DPP6: variants seen among roughly 807,000 people sequenced by gnomAD.
DPP6 encodes dipeptidyl peptidase like 6.
Under a neutral mutation model 122.6 loss-of-function variants are expected in DPP6, and 69 were observed. The ratio of observed to expected loss-of-function variants is 0.56; its 90% CI spans 0.46 to 0.69. The LOEUF is 0.69. DPP6 is among the 30% of genes least tolerant of loss of function. The pLI, the probability that DPP6 is intolerant of heterozygous loss-of-function variation, is 0.00. For synonymous variants in DPP6, 418 were observed against 433.1 expected, an observed-to-expected ratio of 0.97 and a Z score of 0.43; for missense variants, 928 against 1,116.9, an observed-to-expected ratio of 0.83 and a Z score of 2.41.
chr7:154,299,418 G>C (rs1029346879), intron 1 of DPP6, among the ~76,000 whole-genome samples: 1 of 152,248 alleles, frequency 6.6e-6, no homozygotes, highest in Non-Finnish European at 1.5e-5. Context: ...CGCAGTGGTC[G>C]ACTGTCGGAA....
chr7:154,179,686 A>C (rs957101944), intron 1 of DPP6, among the ~76,000 whole-genome samples: 3 of 152,198 alleles, frequency 2.0e-5, no homozygotes, highest in African/African-American at 7.2e-5. Context: ...CCAACTTGCT[A>C]TGAGAAGCTG....
At chr7:154,548,840 G>A (rs1829413669) in intron 4 of DPP6, among the ~76,000 whole-genome samples, 1 of 152,190 alleles carries the variant, frequency 6.6e-6, no homozygotes, top group Non-Finnish European at 1.5e-5. Context: ...ATGAGAACAA[G>A]GTGAGAAAGA....
chr7:154,303,857 A>G (rs1156360690), intron 1 of DPP6, among the ~76,000 whole-genome samples: 1 of 152,204 alleles, frequency 6.6e-6, no homozygotes, highest in African/African-American at 2.4e-5. Flanking sequence ...TTCAGCCATC[A>G]ATTCCAAAGA....
intron 1 of DPP6, among the ~76,000 whole-genome samples, chr7:154,355,521 A>T (rs1316599331): frequency 6.6e-6 from 1 of 152,218 alleles, no homozygotes; most frequent in South Asian, 2.1e-4. Flanking sequence ...ATCTATGATG[A>T]TCCAGAATAT....
intron 1 of DPP6, among the ~76,000 whole-genome samples, chr7:154,130,218 G>A (rs1383667234): frequency 6.6e-6 from 1 of 152,224 alleles, no homozygotes; most frequent in African/African-American, 2.4e-5. Context: ...AGCCAAAGCT[G>A]TTGGCAGGGA....
intron 3 of DPP6, among the ~76,000 whole-genome samples, chr7:154,509,715 A>G (rs1825917929): frequency 6.6e-6 from 1 of 152,224 alleles, no homozygotes; most frequent in Non-Finnish European, 1.5e-5. Flanking sequence ...AAAAAGTGCA[A>G]ACAACCCAAA....
chr7:153,876,520 A>G, the DPP6 span, among the ~76,000 whole-genome samples: 5 of 152,202 alleles, frequency 3.3e-5, no homozygotes, highest in Non-Finnish European at 7.4e-5. Flanking sequence ...ATATACCTCA[A>G]ACATCTTTAA....
rs1834932591 is a variant in DPP6 at position 154,624,359 on chromosome 7, G to A, written c.628-13462G>A. Among the ~76,000 whole-genome samples the A allele has an allele frequency of 6.6e-6, 1 of 151,630 alleles. No individual in the cohort carries two copies. Among genetic ancestry groups the A allele is most frequent in the Non-Finnish European group, 1.5e-5 (1 of 67,968 alleles). On this transcript the variant is annotated intron_variant, in intron 5 of 25. Transcript: ENST00000377770. This position sits in a 1 kb window ranked among gnomAD's most constrained non-coding sequence, Gnocchi z 4.7. ...AAAAAAAAATCAGCTTGGTGTGGTG[G>A]TAGGTGCCTATAATCCCAGCTACTC...
intron 16 of DPP6, among the ~76,000 whole-genome samples, chr7:154,841,302 AGCAGGCTTTGCCCCTCT>A (rs1338000647): frequency 9.2e-5 from 10 of 108,530 alleles, no homozygotes; most frequent in East Asian, 3.6e-4. Context: ...CACCCCTCCA[AGCAGGCTTTGCCCCTCT>A]GCAGGCTTTG....
At chr7:154,673,022 G>A (rs12719719) in intron 7 of DPP6, among the ~76,000 whole-genome samples, 47,676 of 151,896 alleles carry the variant, frequency 0.31, 9,099 homozygotes, top group Non-Finnish European at 0.44. Context: ...TGTTCTCATG[G>A]GGAAAGCCTG....
intron 1 of DPP6, among the ~76,000 whole-genome samples, chr7:154,425,604 ATGTGTGTGT>A (rs1817820889): frequency 2.1e-4 from 27 of 128,236 alleles, no homozygotes; most frequent in Non-Finnish European, 4.3e-4. Context: ...GGGGAAAAAA[ATGTGTGTGT>A]GTGTGTGGGT....
chr7:153,921,223 G>A (rs569466885), intron 1 of DPP6, among the ~76,000 whole-genome samples: 1 of 152,316 alleles, frequency 6.6e-6, no homozygotes, highest in Non-Finnish European at 1.5e-5. Context: ...ACAGAGCAGG[G>A]TACCCTTGGT....
chr7:153,994,840 C>T (rs1797351226), intron 1 of DPP6, among the ~76,000 whole-genome samples: 1 of 152,256 alleles, frequency 6.6e-6, no homozygotes, highest in African/African-American at 2.4e-5. Context: ...AATGTCCCTA[C>T]AGATAAGTTT....
At chr7:153,771,018 G>T in the DPP6 span, among the ~76,000 whole-genome samples, 1 of 152,180 alleles carries the variant, frequency 6.6e-6, no homozygotes, top group African/African-American at 2.4e-5. Context: ...CCAAAAGTAT[G>T]ATAGAGATTT....
At chr7:154,607,835 AG>A (rs1287163241) in intron 5 of DPP6, among the ~76,000 whole-genome samples, 1 of 120,192 alleles carries the variant, frequency 8.3e-6, no homozygotes, top group African/African-American at 2.6e-5. Context: ...TAAAGCTATT[AG>A]TAGTTAAGTT....
chr7:154,447,707 G>A (rs1420442513), intron 2 of DPP6, among the ~76,000 whole-genome samples: 6 of 152,140 alleles, frequency 3.9e-5, no homozygotes, highest in African/African-American at 1.4e-4. Context: ...CTAACTACAT[G>A]TAGAAAGATT....
At chr7:154,419,395 G>A (rs1295493885) in intron 1 of DPP6, among the ~76,000 whole-genome samples, 1 of 152,214 alleles carries the variant, frequency 6.6e-6, no homozygotes, top group Non-Finnish European at 1.5e-5. Context: ...TTTTAAAATA[G>A]TGCTCACAGC....
rs534144534 is a variant in DPP6 at position 154,170,378 on chromosome 7, C to T, written c.243+117315C>T. Among the ~76,000 whole-genome samples, 146 of 152,278 alleles carry T rather than the reference C, an allele frequency of 9.6e-4. 1 individual carries two copies. Among genetic ancestry groups the T allele is most frequent in the African/African-American group, 3.4e-3 (141 of 41,546 alleles). ...AAGTTTCCAGTCCTAACTTCCCTCTCCACCTGCACCTTGGACATGATGATT... is the reference window on the plus strand; with the variant it reads ...AAGTTTCCAGTCCTAACTTCCCTCTTCACCTGCACCTTGGACATGATGATT... On this transcript the variant is annotated intron_variant, in intron 1 of 25. Transcript: ENST00000377770.
intron 10 of DPP6, among the ~76,000 whole-genome samples, chr7:154,788,473 T>G (rs1334581850): frequency 1.3e-5 from 2 of 151,992 alleles, no homozygotes; most frequent in African/African-American, 2.4e-5. Context: ...AAGATACACT[T>G]TAATACAAAA....
Sources: allele counts gnomAD v4.1 joint callset (sites outside exome capture counted in the v4.1 genomes callset), GRCh38; gene constraint gnomAD v4.1.1; non-coding constraint Gnocchi (gnomAD v3.1); transcripts MANE v1.5; gene names NCBI Gene and HGNC (gene_info 2026-07-23, HGNC 2026-07-21).